SDHC: variants seen among roughly 807,000 people sequenced by gnomAD.
SDHC encodes succinate dehydrogenase complex subunit C, also known as succinate dehydrogenase cytochrome b560 subunit, mitochondrial.
In SDHC, 11 loss-of-function variants were observed where a neutral mutation model predicts 22.6. The observed-to-expected ratio is 0.49, with a 90% CI of 0.31 to 0.81. SDHC has a LOEUF of 0.81. SDHC is among the 30% of genes least tolerant of loss of function. The pLI is 0.05. For synonymous variants in SDHC, 80 were observed against 77.8 expected, an observed-to-expected ratio of 1.03 and a Z score of -0.15; for missense variants, 160 against 212.0, an observed-to-expected ratio of 0.75 and a Z score of 1.52.
At chr1:161,347,412 C>G (rs1671938607) in intron 4 of SDHC, among the ~76,000 whole-genome samples, 1 of 152,002 alleles carries the variant, frequency 6.6e-6, no homozygotes, top group South Asian at 2.1e-4. Flanking sequence ...TGCCACCATG[C>G]CAAACTAATT....
intron 1 of SDHC, among the ~76,000 whole-genome samples, chr1:161,318,040 T>C (rs1163736149): frequency 6.6e-6 from 1 of 151,628 alleles, no homozygotes; most frequent in Non-Finnish European, 1.5e-5. Flanking sequence ...GGTGTGATGG[T>C]GCGCGCCTGT....
rs546459455 is a variant in SDHC at position 161,347,729 on chromosome 1, G to A, written c.241+7074G>A. Among the ~76,000 whole-genome samples the A allele has an allele frequency of 2.0e-5, 3 of 152,182 alleles. No individual in the cohort carries two copies. In the South Asian group the frequency reaches 6.2e-4, roughly 32 times the overall value. ...AAAAATACAAAAATTAGCTGGGCAT[G>A]GTGGCATGTGCCTGTAGTCCCAGAT... On this transcript the variant is annotated intron_variant, in intron 4 of 5. Transcript: ENST00000367975.
In SDHC at chr1:161,323,625, G is replaced by A. The variant is rs767802663; in HGVS notation, c.32G>A (p.Arg11His). 10 of 1,613,266 alleles carry A rather than the reference G, an allele frequency of 6.2e-6. No homozygotes were observed. The highest frequency in any genetic ancestry group is 3.3e-5 in the Admixed American group (2 of 59,974). Reference sequence around the variant, plus strand: ...CTCTTATCTTGCAGACACGTTGGTCGTCATTGCCTCCGAGCCCACTTTAGC... The same window carrying A: ...CTCTTATCTTGCAGACACGTTGGTCATCATTGCCTCCGAGCCCACTTTAGC... MAALLLRHVG[R>H]HCLRAHFSPQ... is the part of the protein sequence containing the mutation. Residue 11 changes from arginine to histidine, a missense_variant, in exon 2 of 6, where the codon CGT becomes CAT. By Grantham distance (29) the Arg-to-His change is conservative. This residue lies in a region of SDHC where 86 missense variants were observed against 83.4 expected (regional missense o/e 1.03). Coordinates refer to ENST00000367975, the MANE Select transcript of SDHC (RefSeq NM_003001.5).
intron 5 of SDHC, among the ~76,000 whole-genome samples, chr1:161,362,119 G>C (rs909308246): frequency 1.3e-5 from 2 of 152,012 alleles, no homozygotes; most frequent in African/African-American, 4.8e-5. Flanking sequence ...AATAGAACCT[G>C]ATTTTCTGTC....
intron 1 of SDHC, among the ~76,000 whole-genome samples, chr1:161,322,565 G>GT (rs922476506): frequency 4.7e-4 from 69 of 145,518 alleles, no homozygotes; most frequent in African/African-American, 1.7e-3. Context: ...TTGTTTGTTT[G>GT]TTTTTGTTTT....
chr1:161,354,370 G>A (rs558722832), intron 4 of SDHC, among the ~76,000 whole-genome samples: 25 of 152,294 alleles, frequency 1.6e-4, no homozygotes, highest in African/African-American at 5.8e-4. Flanking sequence ...GCTAGTAGTG[G>A]TTCACATGAT....
At chr1:161,322,297 T>C (rs1428494792) in intron 1 of SDHC, among the ~76,000 whole-genome samples, 1 of 152,218 alleles carries the variant, frequency 6.6e-6, no homozygotes, top group Admixed American at 6.5e-5. Flanking sequence ...CACATCTTAG[T>C]TTTTGACTTG....
chr1:161,330,937 G>A (rs1312773144), intron 3 of SDHC, among the ~76,000 whole-genome samples: 2 of 150,406 alleles, frequency 1.3e-5, no homozygotes, highest in Non-Finnish European at 2.9e-5. Flanking sequence ...GGTGGAGGTT[G>A]CAGTGAGCCG....
intron 5 of SDHC, among the ~76,000 whole-genome samples, chr1:161,361,858 A>C (rs992991924): frequency 6.6e-6 from 1 of 151,850 alleles, no homozygotes; most frequent in Non-Finnish European, 1.5e-5. Context: ...AAAAAAAAAA[A>C]AAAAAACTGT....
chr1:161,360,813 A>G (rs920077673), intron 5 of SDHC, among the ~76,000 whole-genome samples: 1 of 151,198 alleles, frequency 6.6e-6, no homozygotes, highest in Non-Finnish European at 1.5e-5. Flanking sequence ...TTTAAATAGA[A>G]TAGAAAATAT....
rs766007157 is a variant in SDHC at position 161,356,807 on chromosome 1, C to T, written c.372C>T (p.Leu124=). Residue 124 remains leucine (L), a synonymous_variant, in exon 5 of 6, where the codon CTC becomes CTT. Transcript: ENST00000367975. ...HTAKFALVFP[L]MYHTWNGIRH... ...CTAAGTTTGCACTTGTCTTCCCTCT[C>T]ATGTATCATACCTGGAATGGGATCC... The T allele has an allele frequency of 3.1e-6, 5 of 1,614,056 alleles. No individual in the cohort carries two copies. The Admixed American group carries it at 5.0e-5, about 16-fold the overall frequency.
Position 161,356,798 on chromosome 1 carries a change from C to A in SDHC, c.363C>A (p.Val121=), listed in dbSNP as rs1273832397. ...TCCACACAGCTAAGTTTGCACTTGT[C>A]TTCCCTCTCATGTATCATACCTGGA... ...ALIHTAKFAL[V]FPLMYHTWNG... The change falls in exon 5 of 6, where the codon GTC becomes GTA. Residue 121 remains valine (V), a synonymous_variant. Coordinates refer to ENST00000367975, the MANE Select transcript of SDHC (RefSeq NM_003001.5). 6.2e-7 allele frequency: 1 copy of A among 1,614,162 alleles called. No homozygotes were observed. The highest frequency in any genetic ancestry group is 1.1e-5 in the South Asian group (1 of 91,086).
chr1:161,319,744 C>T (rs1670774356), intron 1 of SDHC, among the ~76,000 whole-genome samples: 1 of 152,080 alleles, frequency 6.6e-6, no homozygotes, highest in African/African-American at 2.4e-5. Flanking sequence ...ACCACGCCGG[C>T]CCTTAGGAAT....
intron 3 of SDHC, among the ~76,000 whole-genome samples, chr1:161,328,870 ATATATGC>A (rs1281784808): frequency 2.6e-5 from 4 of 152,158 alleles, no homozygotes; most frequent in Non-Finnish European, 5.9e-5. Context: ...GGTATATAGT[ATATATGC>A]TAAGTTATAT....
At chr1:161,321,653 G>A (rs1670842143) in intron 1 of SDHC, among the ~76,000 whole-genome samples, 1 of 152,206 alleles carries the variant, frequency 6.6e-6, no homozygotes, top group African/African-American at 2.4e-5. Context: ...GCTGGAAAGA[G>A]GGAAGAGCTG....
intron 1 of SDHC, among the ~76,000 whole-genome samples, chr1:161,315,749 G>C (rs56718047): frequency 0.015 from 2,252 of 152,148 alleles, 55 homozygotes; most frequent in African/African-American, 0.052. Flanking sequence ...GGTGTTTCTC[G>C]TTAGGTGGAA....
At chr1:161,314,505 G>C (rs1342531656) in intron 1 of SDHC, 80 bp downstream of exon 1, 5 of 1,537,792 alleles carry the variant, frequency 3.3e-6, no homozygotes, top group East Asian at 4.5e-5. Context: ...GCTGATAACT[G>C]TTTATCCTGT....
intron 4 of SDHC, among the ~76,000 whole-genome samples, chr1:161,348,707 G>A (rs1025777020): frequency 2.7e-5 from 4 of 147,292 alleles, no homozygotes; most frequent in East Asian, 2.0e-4. Context: ...TGTGGGTGGC[G>A]CATGGCTATA....
At chr1:161,343,358 A>G (rs1047631028) in intron 4 of SDHC, among the ~76,000 whole-genome samples, 8 of 152,130 alleles carry the variant, frequency 5.3e-5, no homozygotes, top group African/African-American at 1.7e-4. Flanking sequence ...GCAATCTCAT[A>G]TATGTGTGTG....
Sources: allele counts gnomAD v4.1 joint callset (sites outside exome capture counted in the v4.1 genomes callset), GRCh38; gene constraint gnomAD v4.1.1; regional missense constraint gnomAD v4.1.1; transcripts MANE v1.5; gene names NCBI Gene and HGNC (gene_info 2026-07-23, HGNC 2026-07-21).